ELAVL4: variants seen among roughly 807,000 people sequenced by gnomAD.
The protein encoded by ELAVL4 is ELAV-like protein 4.
ELAVL4 carries 1 observed loss-of-function variant against 35.6 expected under a neutral mutation model. The ratio of observed to expected loss-of-function variants is 0.03; its 90% CI spans 0.01 to 0.13. ELAVL4 has a LOEUF of 0.13. Ranked by LOEUF, ELAVL4 falls within the 10% of genes least tolerant of loss-of-function variation. The pLI is 1.00. For synonymous variants in ELAVL4, 156 were observed against 171.0 expected (o/e 0.91, Z 0.69); for missense variants, 267 against 464.9 (o/e 0.57, Z 3.91).
chr1:50,091,525 G>A lies in ELAVL4; in HGVS notation c.18+43343G>A, dbSNP rs184326741. 2.6e-5 allele frequency among the ~76,000 whole-genome samples: 4 copies of A among 152,208 alleles called. No individual in the cohort carries two copies. In the East Asian group the frequency reaches 7.7e-4, roughly 29 times the overall value. On this transcript the variant is annotated intron_variant, in intron 1 of 6. Coordinates refer to the ELAVL4 transcript ENST00000448907. ...AGAGTTGAAACCCCAGACCCATAAAGAGGACAAATCCTCTTCCTCACGTCT... is the reference window on the plus strand; with the variant it reads ...AGAGTTGAAACCCCAGACCCATAAAAAGGACAAATCCTCTTCCTCACGTCT...
At chr1:50,087,561 C>T (rs1187728518) in intron 1 of ELAVL4, among the ~76,000 whole-genome samples, 2 of 152,188 alleles carry the variant, frequency 1.3e-5, no homozygotes, top group Non-Finnish European at 2.9e-5. Flanking sequence ...CTCAAGTAGA[C>T]ACTGAATTTT....
chr1:50,166,994 C>A (rs1315347350), intron 2 of ELAVL4, among the ~76,000 whole-genome samples: 1 of 152,056 alleles, frequency 6.6e-6, no homozygotes, highest in Non-Finnish European at 1.5e-5. Flanking sequence ...GGAACAGGAA[C>A]AAAAATTTTG....
chr1:50,130,935 C>T (rs754945527), intron 1 of ELAVL4, among the ~76,000 whole-genome samples: 1 of 152,038 alleles, frequency 6.6e-6, no homozygotes, highest in Non-Finnish European at 1.5e-5. Context: ...TTTTAGATTG[C>T]TCTAATTGAC....
intron 2 of ELAVL4, among the ~76,000 whole-genome samples, chr1:50,147,476 G>A (rs1231886404): frequency 6.6e-6 from 1 of 152,178 alleles, no homozygotes; most frequent in African/African-American, 2.4e-5. Context: ...GTCAGAGAAG[G>A]AGGGAGAGAT....
intron 1 of ELAVL4, among the ~76,000 whole-genome samples, chr1:50,077,500 A>G (rs987096445): frequency 1.9e-4 from 29 of 152,260 alleles, no homozygotes. Flanking sequence ...AGGGAGGGCA[A>G]ATGACTTTTT....
At chr1:50,087,218 A>G (rs993052493) in intron 1 of ELAVL4, among the ~76,000 whole-genome samples, 23 of 152,208 alleles carry the variant, frequency 1.5e-4, no homozygotes, top group Non-Finnish European at 2.6e-4. Flanking sequence ...ATTTTAAAAC[A>G]TGGCTTATTT....
At chr1:50,173,967 A>C (rs1679508737) in intron 2 of ELAVL4, among the ~76,000 whole-genome samples, 1 of 152,188 alleles carries the variant, frequency 6.6e-6, no homozygotes, top group Non-Finnish European at 1.5e-5. Flanking sequence ...CCATAGAAAA[A>C]GTGTTGCTAT....
chr1:50,154,087 A>C (rs1184200372), intron 2 of ELAVL4, among the ~76,000 whole-genome samples: 1 of 152,214 alleles, frequency 6.6e-6, no homozygotes, highest in Non-Finnish European at 1.5e-5. Context: ...AATGAATAGA[A>C]CAGGCAGGAC....
chr1:50,201,113 G>A lies in ELAVL4; in HGVS notation c.1036G>A (p.Gly346Arg). ...GGCCATGGCCATCGCCAGCCTCAACGGGTACCGCCTGGGAGACAGAGTGTT... is the reference window on the plus strand; with the variant it reads ...GGCCATGGCCATCGCCAGCCTCAACAGGTACCGCCTGGGAGACAGAGTGTT... ...EAAMAIASLN[G>R]YRLGDRVLQV... Residue 346 changes from glycine to arginine, a missense_variant, in exon 7 of 7, where the codon GGG (glycine) becomes AGG (arginine). By Grantham distance (125) the Gly-to-Arg change is moderately radical. This residue lies in a region of ELAVL4 where 216 missense variants were observed against 409.5 expected (regional missense o/e 0.53). Transcript: ENST00000371824. This position sits in a 1 kb window ranked among gnomAD's most constrained non-coding sequence, Gnocchi z 4.3. 6.2e-7 allele frequency: 1 copy of A among 1,613,828 alleles called. No individual in the cohort carries two copies. The highest frequency in any genetic ancestry group is 8.5e-7 in the Non-Finnish European group (1 of 1,179,856).
chr1:50,113,434 G>A (rs756865990), intron 1 of ELAVL4, among the ~76,000 whole-genome samples: 7 of 152,022 alleles, frequency 4.6e-5, no homozygotes, highest in Admixed American at 6.6e-5. Context: ...CTTCATAGAG[G>A]TCATCATACA....
chr1:50,115,876 T>C lies in ELAVL4; in HGVS notation c.9+6678T>C, dbSNP rs80334101. 3.9e-5 allele frequency among the ~76,000 whole-genome samples: 6 copies of C among 152,252 alleles called. No individual in the cohort carries two copies. The East Asian group carries it at 9.7e-4, about 25-fold the overall frequency. Reference sequence around the variant, plus strand: ...CCATTTCTTTTTCTTTTGACAATGATCAGAAGACATAATTAATTAGAGGAT... The same window carrying C: ...CCATTTCTTTTTCTTTTGACAATGACCAGAAGACATAATTAATTAGAGGAT... On this transcript the variant is annotated intron_variant, in intron 1 of 6. Transcript: ENST00000371824.
chr1:50,188,517 T>C (rs1341033412), intron 3 of ELAVL4, among the ~76,000 whole-genome samples: 1 of 152,172 alleles, frequency 6.6e-6, no homozygotes, highest in Non-Finnish European at 1.5e-5. Flanking sequence ...GAAAAGTGTA[T>C]GGAATCCTAA....
At chr1:50,165,530 T>C (rs985246162) in intron 2 of ELAVL4, among the ~76,000 whole-genome samples, 1 of 149,572 alleles carries the variant, frequency 6.7e-6, no homozygotes, top group Non-Finnish European at 1.5e-5. Flanking sequence ...CGTATATACA[T>C]ATACCTATAT....
At chr1:50,120,456 A>G (rs1668838225) in intron 1 of ELAVL4, among the ~76,000 whole-genome samples, 1 of 152,086 alleles carries the variant, frequency 6.6e-6, no homozygotes, top group Non-Finnish European at 1.5e-5. Context: ...AGAAAGAGAT[A>G]GGTAAAAGCT....
chr1:50,054,991 A>G (rs1484667307), intron 1 of ELAVL4, among the ~76,000 whole-genome samples: 1 of 152,188 alleles, frequency 6.6e-6, no homozygotes, highest in Non-Finnish European at 1.5e-5. Context: ...TCACCTATCC[A>G]ATCTACAGCT....
rs544867272 is a variant in ELAVL4 at position 50,146,236 on chromosome 1, A to G, written c.250+1039A>G. Among the ~76,000 whole-genome samples, 14 of 152,204 alleles carry G rather than the reference A, an allele frequency of 9.2e-5. No individual in the cohort carries two copies. In the South Asian group the frequency reaches 1.9e-3, roughly 20 times the overall value. On this transcript the variant is annotated intron_variant, in intron 2 of 6. Coordinates refer to ENST00000371824, the MANE Select transcript of ELAVL4 (RefSeq NM_001144774.3). ...TATTTTAAATCAGAGAATACATTCT[A>G]TATGTGTGTGTGTAGATATATACAT...
At chr1:50,129,230 A>G (rs942551177) in intron 1 of ELAVL4, among the ~76,000 whole-genome samples, 1 of 152,074 alleles carries the variant, frequency 6.6e-6, no homozygotes, top group Non-Finnish European at 1.5e-5. Context: ...TGTGCCCTGG[A>G]AAAATCCTCT....
intron 1 of ELAVL4, among the ~76,000 whole-genome samples, chr1:50,133,649 A>AAG (rs35415471): frequency 8.6e-6 from 1 of 116,892 alleles, no homozygotes; most frequent in Non-Finnish European, 1.9e-5. Flanking sequence ...GAAAGAAAGA[A>AAG]AGAGAAAGAA....
chr1:50,126,612 T>TC (rs774801773), intron 1 of ELAVL4, among the ~76,000 whole-genome samples: 5 of 152,118 alleles, frequency 3.3e-5, no homozygotes, highest in Non-Finnish European at 7.4e-5. Context: ...CCTGTCTCCA[T>TC]TGTGTATACT....
Sources: allele counts gnomAD v4.1 joint callset (sites outside exome capture counted in the v4.1 genomes callset), GRCh38; gene constraint gnomAD v4.1.1; regional missense constraint gnomAD v4.1.1; non-coding constraint Gnocchi (gnomAD v3.1); transcripts MANE v1.5; gene names NCBI Gene and HGNC (gene_info 2026-07-23, HGNC 2026-07-21).